The following HS3ST4 variants were observed in gnomAD, a reference collection of about 807,000 sequenced individuals.
HS3ST4 encodes the protein heparan sulfate glucosamine 3-O-sulfotransferase 4.
Under a neutral mutation model 29.2 loss-of-function variants are expected in HS3ST4, and 17 were observed. That is an observed-to-expected ratio of 0.58 (90% CI 0.40 to 0.87). The LOEUF (loss-of-function observed/expected upper bound fraction) is 0.87. Among genes scored for constraint, HS3ST4 ranks in the 40% least tolerant of loss-of-function variants. HS3ST4 has a pLI of 0.00. For missense variants in HS3ST4, 627 were observed against 634.5 expected (o/e 0.99, Z 0.13); for synonymous variants, 314 against 285.7 (o/e 1.10, Z -1.00).
intron 1 of HS3ST4, among the ~76,000 whole-genome samples, chr16:25,979,676 A>G (rs1968983594): frequency 1.3e-5 from 2 of 152,184 alleles, no homozygotes; most frequent in African/African-American, 4.8e-5. Flanking sequence ...CGTAAAATAG[A>G]AATAAAGTGT....
intron 1 of HS3ST4, among the ~76,000 whole-genome samples, chr16:26,103,208 T>G (rs1596681986): frequency 6.6e-6 from 1 of 152,118 alleles, no homozygotes; most frequent in East Asian, 1.9e-4. Flanking sequence ...TTACCTTATT[T>G]AACCCTAATA....
At chr16:26,102,949 G>A (rs541131080) in intron 1 of HS3ST4, among the ~76,000 whole-genome samples, 1 of 152,210 alleles carries the variant, frequency 6.6e-6, no homozygotes, top group South Asian at 2.1e-4. Context: ...GACTGCTTTG[G>A]GTGTAAACAA....
intron 1 of HS3ST4, among the ~76,000 whole-genome samples, chr16:25,975,577 G>T (rs1175061074): frequency 1.3e-5 from 2 of 152,076 alleles, no homozygotes; most frequent in East Asian, 1.9e-4. Flanking sequence ...AAAAAGAAAA[G>T]AAAAATATCC....
At chr16:25,914,386 T>C (rs535961099) in intron 1 of HS3ST4, among the ~76,000 whole-genome samples, 4 of 151,564 alleles carry the variant, frequency 2.6e-5, no homozygotes, top group African/African-American at 9.7e-5. Flanking sequence ...GATGTTTTTA[T>C]AGGGAATATG....
rs538874180 is a variant in HS3ST4, at chr16:25,806,428, C to T, written c.734+113277C>T. The stretch of plus-strand genomic sequence containing the variant: ...ATGAAGTGCCAGCTCAGTGGCCATT[C>T]CCCATGCTCTCCCAGACAGTCCAGG... On this transcript the variant is annotated intron_variant, in intron 1 of 1. Coordinates refer to ENST00000331351, the MANE Select transcript of HS3ST4 (RefSeq NM_006040.3). 1.8e-4 allele frequency among the ~76,000 whole-genome samples: 27 copies of T among 152,258 alleles called. No individual in the cohort carries two copies. In the East Asian group the frequency reaches 4.4e-3, roughly 25 times the overall value.
intron 1 of HS3ST4, among the ~76,000 whole-genome samples, chr16:25,988,650 G>A (rs1036041968): frequency 2.0e-5 from 3 of 152,132 alleles, no homozygotes; most frequent in Non-Finnish European, 2.9e-5. Context: ...TTATGAGTGG[G>A]AGCTAAATGA....
intron 1 of HS3ST4, among the ~76,000 whole-genome samples, chr16:25,736,379 A>G (rs555246382): frequency 6.6e-6 from 1 of 152,324 alleles, no homozygotes; most frequent in South Asian, 2.1e-4. Flanking sequence ...GGTGGAGTTT[A>G]TAATATGGAT....
intron 1 of HS3ST4, among the ~76,000 whole-genome samples, chr16:25,983,172 C>A (rs1969025843): frequency 6.6e-6 from 1 of 152,128 alleles, no homozygotes; most frequent in South Asian, 2.1e-4. Context: ...TCAGATCCTT[C>A]CACTAGAGAA....
chr16:25,750,682 C>T (rs935764582), intron 1 of HS3ST4, among the ~76,000 whole-genome samples: 1 of 152,176 alleles, frequency 6.6e-6, no homozygotes, highest in Non-Finnish European at 1.5e-5. Context: ...AATTTCTCTC[C>T]CATGAATATT....
chr16:25,772,405 G>T (rs963752369), intron 1 of HS3ST4, among the ~76,000 whole-genome samples: 1 of 152,156 alleles, frequency 6.6e-6, no homozygotes, highest in African/African-American at 2.4e-5. Context: ...TTAGGATTCT[G>T]TGTTTATGCT....
intron 1 of HS3ST4, among the ~76,000 whole-genome samples, chr16:25,704,271 A>G (rs1171323122): frequency 6.6e-6 from 1 of 152,172 alleles, no homozygotes; most frequent in Non-Finnish European, 1.5e-5. Flanking sequence ...AGAAAGAGAA[A>G]CCCACTCAAA....
At chr16:25,993,111 C>T (rs1969128146) in intron 1 of HS3ST4, among the ~76,000 whole-genome samples, 1 of 152,004 alleles carries the variant, frequency 6.6e-6, no homozygotes, top group Admixed American at 6.6e-5. Flanking sequence ...AGACCAAAGC[C>T]CCACAATCTA....
intron 1 of HS3ST4, among the ~76,000 whole-genome samples, chr16:25,738,552 G>C (rs915723714): frequency 1.9e-4 from 29 of 152,082 alleles, no homozygotes; most frequent in African/African-American, 7.0e-4. Context: ...GGTGGGGTGG[G>C]GTGTCAGGAG....
At chr16:26,043,738 A>AC (rs1898233111) in intron 1 of HS3ST4, among the ~76,000 whole-genome samples, 1 of 151,982 alleles carries the variant, frequency 6.6e-6, no homozygotes, top group Non-Finnish European at 1.5e-5. Context: ...ATCCACATCC[A>AC]CTCCGCTATG....
intron 1 of HS3ST4, among the ~76,000 whole-genome samples, chr16:25,699,110 T>TA (rs1966318092): frequency 6.6e-6 from 1 of 152,210 alleles, no homozygotes. Context: ...ACAAACAAAA[T>TA]ACATCTGTGG....
intron 1 of HS3ST4, among the ~76,000 whole-genome samples, chr16:26,059,497 C>G (rs1478268362): frequency 6.6e-6 from 1 of 152,162 alleles, no homozygotes; most frequent in East Asian, 1.9e-4. Context: ...GAAAAATAGG[C>G]ATCGTACAAA....
At chr16:25,981,917 C>G (rs907606615) in intron 1 of HS3ST4, among the ~76,000 whole-genome samples, 2 of 152,168 alleles carry the variant, frequency 1.3e-5, no homozygotes, top group Admixed American at 6.5e-5. Flanking sequence ...TGGTGCTCAA[C>G]AAATGGCCTC....
chr16:26,017,032 G>A (rs1969368385), intron 1 of HS3ST4, among the ~76,000 whole-genome samples: 1 of 152,164 alleles, frequency 6.6e-6, no homozygotes, highest in Non-Finnish European at 1.5e-5. Context: ...TTTCCTCAAG[G>A]GACTATACAC....
At chr16:25,774,133 A>T (rs1290081725) in intron 1 of HS3ST4, among the ~76,000 whole-genome samples, 1 of 152,216 alleles carries the variant, frequency 6.6e-6, no homozygotes, top group Non-Finnish European at 1.5e-5. Flanking sequence ...AGTAAGAGAT[A>T]GTGTGATTGG....
Sources: allele counts gnomAD v4.1 joint callset (sites outside exome capture counted in the v4.1 genomes callset), GRCh38; gene constraint gnomAD v4.1.1; transcripts MANE v1.5; gene names NCBI Gene and HGNC (gene_info 2026-07-23, HGNC 2026-07-21).